PPM1E: variants seen among roughly 807,000 people sequenced by gnomAD.
PPM1E encodes the protein protein phosphatase 1E.
In PPM1E, 20 loss-of-function variants were observed where a neutral mutation model predicts 65.9. The ratio of observed to expected loss-of-function variants is 0.30; its 90% CI spans 0.21 to 0.44. PPM1E has a LOEUF of 0.44. Among genes scored for constraint, PPM1E ranks in the 20% least tolerant of loss-of-function variants. The pLI, the probability that PPM1E is intolerant of heterozygous loss-of-function variation, is 1.00. For missense variants in PPM1E, 713 were observed against 953.1 expected (o/e 0.75, Z 3.32); for synonymous variants, 352 against 374.9 (o/e 0.94, Z 0.70).
intron 1 of PPM1E, among the ~76,000 whole-genome samples, chr17:58,847,343 C>A (rs2050781927): frequency 1.3e-5 from 2 of 152,158 alleles, no homozygotes; most frequent in Non-Finnish European, 2.9e-5. Context: ...GAAGTCCTTG[C>A]CCATGCCTAT....
At chr17:58,908,439 T>C (rs1396083892) in intron 1 of PPM1E, among the ~76,000 whole-genome samples, 2 of 151,770 alleles carry the variant, frequency 1.3e-5, no homozygotes, top group African/African-American at 4.8e-5. Flanking sequence ...TATGCTTCTT[T>C]TTATACTTTT....
In PPM1E at chr17:58,818,330, C is replaced by T. The variant is rs1346291436; in HGVS notation, c.464+61869C>T. ...AGGTTAAATAAGTTGTCTGTGGTCA[C>T]ACAAGTAACAAGTAGTAGATTTATA... On this transcript the variant is annotated intron_variant, in intron 1 of 6. Coordinates refer to ENST00000308249, the MANE Select transcript of PPM1E (RefSeq NM_014906.5). Among the ~76,000 whole-genome samples the T allele has an allele frequency of 3.3e-5, 5 of 152,146 alleles. No homozygotes were observed. In the East Asian group the frequency reaches 9.6e-4, roughly 29 times the overall value.
chr17:58,966,285 C>G, intron 3 of PPM1E: 1 of 357,722 alleles, frequency 2.8e-6, no homozygotes, highest in South Asian at 2.2e-5. Flanking sequence ...GAGGCTGATA[C>G]GGGAGGATTG....
intron 1 of PPM1E, among the ~76,000 whole-genome samples, chr17:58,871,987 G>A (rs1304533755): frequency 6.6e-6 from 1 of 152,138 alleles, no homozygotes; most frequent in Non-Finnish European, 1.5e-5. Flanking sequence ...AGTTTCAAAT[G>A]AGATAAAAAG....
chr17:58,827,777 C>T (rs1055726717), intron 1 of PPM1E, among the ~76,000 whole-genome samples: 2 of 151,258 alleles, frequency 1.3e-5, no homozygotes, highest in Admixed American at 6.6e-5. Flanking sequence ...TGGCGCGCGC[C>T]TGTAGTCCCA....
intron 1 of PPM1E, chr17:58,899,351 A>G (rs1475789928): frequency 6.5e-6 from 1 of 152,822 alleles, no homozygotes; most frequent in East Asian, 1.9e-4. Context: ...AAAACAAAAA[A>G]CAAACAGTTT....
chr17:58,958,957 A>C (rs908005803), intron 2 of PPM1E, among the ~76,000 whole-genome samples: 2 of 152,098 alleles, frequency 1.3e-5, no homozygotes, highest in African/African-American at 4.8e-5. Flanking sequence ...CACTGATACC[A>C]GAACCTACCC....
chr17:58,955,707 C>G lies in PPM1E; in HGVS notation c.523C>G (p.Gln175Glu). The change falls in exon 2 of 7, where the codon CAG becomes GAG. Residue 175 changes from glutamine to glutamate, a missense_variant. Around this residue, in one of 6 missense-constraint regions of PPM1E, gnomAD observed 84 missense variants for 113.9 expected, o/e 0.74. Coordinates refer to ENST00000308249, the MANE Select transcript of PPM1E (RefSeq NM_014906.5). ...CAGAGCCACATCAGATGAAGTCCTTCAGAGTGATCTTTCTGCACATTATAT... is the reference window on the plus strand; with the variant it reads ...CAGAGCCACATCAGATGAAGTCCTTGAGAGTGATCTTTCTGCACATTATAT... Reference protein sequence around the residue: ...LARATSDEVLQSDLSAHYIPK... With the variant: ...LARATSDEVLESDLSAHYIPK... The G allele has an allele frequency of 6.2e-7, 1 of 1,613,470 alleles. No homozygotes were observed. The highest frequency in any genetic ancestry group is 8.5e-7 in the Non-Finnish European group (1 of 1,179,846).
chr17:58,815,498 C>T (rs920540129), intron 1 of PPM1E, among the ~76,000 whole-genome samples: 12 of 152,248 alleles, frequency 7.9e-5, no homozygotes, highest in Admixed American at 3.9e-4. Flanking sequence ...AAAGAGTATG[C>T]GTTCTTTTAG....
chr17:58,971,438 G>T (rs766551724), intron 4 of PPM1E, among the ~76,000 whole-genome samples: 1 of 152,182 alleles, frequency 6.6e-6, no homozygotes, highest in African/African-American at 2.4e-5. Flanking sequence ...TGTCATTTTC[G>T]TATAGTAGGA....
At chr17:58,831,192 A>C (rs1036184629) in intron 1 of PPM1E, among the ~76,000 whole-genome samples, 4 of 151,830 alleles carry the variant, frequency 2.6e-5, no homozygotes, top group South Asian at 2.1e-4. Flanking sequence ...TTGTATTTTT[A>C]GTAGAGATGG....
intron 1 of PPM1E, among the ~76,000 whole-genome samples, chr17:58,832,227 T>G (rs1396598810): frequency 6.6e-6 from 1 of 152,180 alleles, no homozygotes; most frequent in African/African-American, 2.4e-5. Context: ...TTCAAATTTC[T>G]TCACTATCCT....
intron 1 of PPM1E, among the ~76,000 whole-genome samples, chr17:58,920,609 G>A (rs1023609667): frequency 1.3e-5 from 2 of 152,154 alleles, no homozygotes; most frequent in African/African-American, 2.4e-5. Context: ...GTTGAAATAA[G>A]GAAGTTTATA....
At chr17:58,966,995 A>C (rs902458246) in intron 3 of PPM1E, among the ~76,000 whole-genome samples, 1 of 152,206 alleles carries the variant, frequency 6.6e-6, no homozygotes, top group Non-Finnish European at 1.5e-5. Context: ...AACAATCCTT[A>C]TATCACTATA....
chr17:58,824,535 T>G (rs1009556902), intron 1 of PPM1E, among the ~76,000 whole-genome samples: 2 of 151,948 alleles, frequency 1.3e-5, no homozygotes, highest in African/African-American at 4.8e-5. Flanking sequence ...ATTCTACTTT[T>G]ATTAATGAAT....
At chr17:58,925,979 A>G (rs2051819379) in intron 1 of PPM1E, among the ~76,000 whole-genome samples, 1 of 152,072 alleles carries the variant, frequency 6.6e-6, no homozygotes, top group Non-Finnish European at 1.5e-5. Context: ...GTTTCTCTAT[A>G]CTGTTCCTCC....
chr17:58,816,778 ATATATATATATATATATTTT>A (rs1245633364), intron 1 of PPM1E, among the ~76,000 whole-genome samples: 126 of 9,572 alleles, frequency 0.013, 2 homozygotes, highest in East Asian at 0.04. Context: ...ATATATATAT[ATATATATATATATATATTTT>A]TTTTTTTTTT....
intron 1 of PPM1E, among the ~76,000 whole-genome samples, chr17:58,771,091 G>A (rs976216545): frequency 6.6e-6 from 1 of 151,664 alleles, no homozygotes; most frequent in East Asian, 1.9e-4. Context: ...TCTTGACCTT[G>A]TGATCTGCCC....
chr17:58,870,490 C>A (rs925014335), intron 1 of PPM1E, among the ~76,000 whole-genome samples: 1 of 152,132 alleles, frequency 6.6e-6, no homozygotes, highest in African/African-American at 2.4e-5. Context: ...CTTGCCCACC[C>A]CCAAGTAGTT....
Sources: gnomAD v4.1 joint callset for allele counts (sites outside exome capture counted in the v4.1 genomes callset) on GRCh38, gnomAD v4.1.1 for gene constraint, gnomAD v4.1.1 regional missense constraint, MANE v1.5 for transcripts, NCBI Gene and HGNC (gene_info 2026-07-23, HGNC 2026-07-21) for gene names.